TSHZ3: variants seen among roughly 807,000 people sequenced by gnomAD.
The protein encoded by TSHZ3 is teashirt homolog 3.
TSHZ3 carries 10 observed loss-of-function variants against 64.5 expected under a neutral mutation model. The ratio of observed to expected loss-of-function variants is 0.16; its 90% CI spans 0.10 to 0.26. TSHZ3 has a LOEUF of 0.26. Ranked by LOEUF, TSHZ3 falls within the 10% of genes least tolerant of loss-of-function variation. The pLI is 1.00. For synonymous variants in TSHZ3, 608 were observed against 593.1 expected (o/e 1.03, Z -0.36); for missense variants, 1,242 against 1,421.7 (o/e 0.87, Z 2.03).
chr19:31,238,803 A>G (rs1458729253), intron 3 of TSHZ3, among the ~76,000 whole-genome samples: 1 of 152,210 alleles, frequency 6.6e-6, no homozygotes, highest in Admixed American at 6.5e-5. Flanking sequence ...TCCTACAGAT[A>G]GCATCGAGTT....
intron 3 of TSHZ3, among the ~76,000 whole-genome samples, chr19:31,235,711 T>G (rs1975605945): frequency 7.0e-6 from 1 of 142,168 alleles, no homozygotes; most frequent in Admixed American, 6.9e-5. Context: ...TTTTTTTTTT[T>G]TTTTTTTTTT....
intron 1 of TSHZ3, chr19:31,308,665 C>T (rs952481320): frequency 2.5e-6 from 1 of 398,434 alleles, no homozygotes; most frequent in Admixed American, 4.4e-5. Context: ...AGCACGTTCT[C>T]CACCCACCAC....
At chr19:31,327,263 C>A (rs1916958001) in intron 1 of TSHZ3, among the ~76,000 whole-genome samples, 1 of 152,212 alleles carries the variant, frequency 6.6e-6, no homozygotes, top group Admixed American at 6.5e-5. Flanking sequence ...AGACTTTGAG[C>A]CTCTGGGCTA....
At chr19:31,303,417 G>C (rs1434098862) in intron 1 of TSHZ3, among the ~76,000 whole-genome samples, 1 of 152,188 alleles carries the variant, frequency 6.6e-6, no homozygotes, top group Non-Finnish European at 1.5e-5. Context: ...AGACGCACTT[G>C]GTCCACATAG....
intron 1 of TSHZ3, among the ~76,000 whole-genome samples, chr19:31,266,101 T>C (rs769546308): frequency 1.3e-5 from 2 of 152,152 alleles, no homozygotes; most frequent in Non-Finnish European, 2.9e-5. Flanking sequence ...TTAACTGGGA[T>C]CCACCACAAA....
intron 1 of TSHZ3, among the ~76,000 whole-genome samples, chr19:31,326,506 GC>G (rs1411395728): frequency 6.6e-6 from 1 of 152,258 alleles, no homozygotes. Context: ...GTGCACACGT[GC>G]CTGCGTGTGT....
At chr19:31,204,059 C>T (rs1263235570) in intron 5 of TSHZ3, among the ~76,000 whole-genome samples, 1 of 152,110 alleles carries the variant, frequency 6.6e-6, no homozygotes, top group African/African-American at 2.4e-5. Context: ...ATGCCAGATG[C>T]TCACAAAACC....
intron 5 of TSHZ3, among the ~76,000 whole-genome samples, chr19:31,160,642 G>A (rs551929697): frequency 4.0e-5 from 6 of 151,514 alleles, no homozygotes; most frequent in Admixed American, 6.6e-5. Flanking sequence ...ACACATATTC[G>A]CACACACACA....
chr19:31,289,349 C>A (rs2145127567), intron 1 of TSHZ3, among the ~76,000 whole-genome samples: 1 of 152,346 alleles, frequency 6.6e-6, no homozygotes, highest in South Asian at 2.1e-4. Flanking sequence ...GGCTTGGGTT[C>A]TGTCCCTCCT....
intron 1 of TSHZ3, among the ~76,000 whole-genome samples, chr19:31,292,149 T>A (rs954460285): frequency 2.0e-5 from 3 of 152,152 alleles, no homozygotes; most frequent in Non-Finnish European, 2.9e-5. Flanking sequence ...CTGGCCTATA[T>A]TGGATCCAAT....
intron 6 of TSHZ3, among the ~76,000 whole-genome samples, chr19:31,155,059 A>G (rs1455293507): frequency 6.6e-6 from 1 of 152,232 alleles, no homozygotes; most frequent in Non-Finnish European, 1.5e-5. Flanking sequence ...GTTCTTGGAG[A>G]TAATTCCAAA....
intron 4 of TSHZ3, among the ~76,000 whole-genome samples, chr19:31,226,958 TCTC>T: frequency 7.1e-6 from 1 of 141,706 alleles, no homozygotes; most frequent in Non-Finnish European, 1.5e-5. Context: ...TTCTTTTTCT[TCTC>T]TTTCTTTCTT....
At chr19:31,259,688 GA>G (rs1975959841) in intron 1 of TSHZ3, among the ~76,000 whole-genome samples, 1 of 152,134 alleles carries the variant, frequency 6.6e-6, no homozygotes, top group Non-Finnish European at 1.5e-5. Flanking sequence ...ATGTTCTCCA[GA>G]AACCCTCATT....
intron 1 of TSHZ3, among the ~76,000 whole-genome samples, chr19:31,332,208 T>C (rs1917117041): frequency 6.6e-6 from 1 of 152,168 alleles, no homozygotes; most frequent in Non-Finnish European, 1.5e-5. Context: ...ATAAACTTTA[T>C]TATTACATCT....
intron 5 of TSHZ3, among the ~76,000 whole-genome samples, chr19:31,190,987 T>C (rs2145137681): frequency 6.6e-6 from 1 of 152,190 alleles, no homozygotes; most frequent in East Asian, 1.9e-4. Context: ...TGAAGATAGA[T>C]CAGTAGAAAC....
chr19:31,290,281 C>T (rs1976541098), intron 1 of TSHZ3, among the ~76,000 whole-genome samples: 1 of 152,158 alleles, frequency 6.6e-6, no homozygotes, highest in South Asian at 2.1e-4. Context: ...CCCTGGCCCT[C>T]AGAGAACATG....
chr19:31,225,441 G>A (rs928135357), intron 4 of TSHZ3, among the ~76,000 whole-genome samples: 116 of 152,236 alleles, frequency 7.6e-4, no homozygotes, highest in African/African-American at 2.6e-3. Flanking sequence ...GGTGCATTTC[G>A]TTCACCAACC....
At chr19:31,197,788 G>A (rs1250624583) in intron 5 of TSHZ3, among the ~76,000 whole-genome samples, 1 of 151,926 alleles carries the variant, frequency 6.6e-6, no homozygotes, top group Non-Finnish European at 1.5e-5. Flanking sequence ...ATATTTATTA[G>A]CAAAATTGAA....
intron 5 of TSHZ3, among the ~76,000 whole-genome samples, chr19:31,180,702 G>A (rs1352979111): frequency 2.0e-5 from 3 of 152,238 alleles, no homozygotes; most frequent in Non-Finnish European, 4.4e-5. Context: ...TGTCACAGAT[G>A]TTCCTTCTTT....
Sources: gnomAD v4.1 joint callset for allele counts (sites outside exome capture counted in the v4.1 genomes callset) on GRCh38, gnomAD v4.1.1 for gene constraint, MANE v1.5 for transcripts, NCBI Gene and HGNC (gene_info 2026-07-23, HGNC 2026-07-21) for gene names.